Variants in COMMD1 observed in about 807,000 individuals in gnomAD.
COMMD1 encodes copper metabolism domain containing 1, also known as COMM domain-containing protein 1.
Under a neutral mutation model 17.2 loss-of-function variants are expected in COMMD1, and 10 were observed. The observed-to-expected ratio is 0.58, with a 90% CI of 0.36 to 0.99. The LOEUF (loss-of-function observed/expected upper bound fraction) is 0.99. Among genes scored for constraint, COMMD1 ranks in the 50% least tolerant of loss-of-function variants. The pLI is 0.01. For missense variants in COMMD1, 270 were observed against 231.8 expected (o/e 1.17, Z -1.07); for synonymous variants, 97 against 91.6 (o/e 1.06, Z -0.34).
intron 1 of COMMD1, among the ~76,000 whole-genome samples, chr2:61,970,441 A>C (rs1671618553): frequency 6.6e-6 from 1 of 152,200 alleles, no homozygotes; most frequent in Non-Finnish European, 1.5e-5. Flanking sequence ...TGGTATTTGC[A>C]TATAACCAAA....
chr2:62,084,236 T>C (rs187422237), intron 2 of COMMD1, among the ~76,000 whole-genome samples: 332 of 152,258 alleles, frequency 2.2e-3, no homozygotes, highest in African/African-American at 7.8e-3. Context: ...TAGTCAAAAA[T>C]CTACATATAA....
At chr2:62,133,336 G>T (rs1344668523) in intron 2 of COMMD1, among the ~76,000 whole-genome samples, 1 of 152,190 alleles carries the variant, frequency 6.6e-6, no homozygotes, top group Admixed American at 6.5e-5. Flanking sequence ...CCCTCCTTCT[G>T]AAGAAGCTTG....
At chr2:61,966,222 A>C (rs762865678) in intron 1 of COMMD1, among the ~76,000 whole-genome samples, 9 of 152,192 alleles carry the variant, frequency 5.9e-5, no homozygotes, top group Non-Finnish European at 1.3e-4. Context: ...GTTTACTGTT[A>C]AACTGCCTGC....
At chr2:62,015,838 GT>G (rs1222587728) in intron 2 of COMMD1, among the ~76,000 whole-genome samples, 1 of 150,886 alleles carries the variant, frequency 6.6e-6, no homozygotes, top group Non-Finnish European at 1.5e-5. Context: ...TGCCCTTTTT[GT>G]TTGTTTTTTT....
At chr2:61,888,710 C>A, upstream of COMMD1, 1 of 579,216 alleles carries the variant, frequency 1.7e-6, no homozygotes, top group Non-Finnish European at 2.9e-6. Context: ...GTCCGCTGCG[C>A]GCCGGGCGAG....
intron 1 of COMMD1, among the ~76,000 whole-genome samples, chr2:61,957,087 CGTGTGTGTGTGTGTGTGTGT>C (rs10679710): frequency 1.4e-5 from 2 of 146,792 alleles, no homozygotes; most frequent in Admixed American, 6.8e-5. Context: ...AAGATGGATG[CGTGTGTGTGTGTGTGTGTGT>C]GTGTGTGTGT....
intron 2 of COMMD1, among the ~76,000 whole-genome samples, chr2:62,041,957 G>T (rs1053274054): frequency 2.6e-5 from 4 of 152,232 alleles, no homozygotes; most frequent in Non-Finnish European, 4.4e-5. Context: ...CACTGTGGAA[G>T]AGGACCTCAG....
intron 1 of COMMD1, among the ~76,000 whole-genome samples, chr2:61,921,619 A>AT (rs1456331796): frequency 9.2e-5 from 14 of 151,872 alleles, no homozygotes; most frequent in Non-Finnish European, 2.1e-4. Flanking sequence ...AATTTTTTGT[A>AT]TTTTTAGTAG....
intron 1 of COMMD1, among the ~76,000 whole-genome samples, chr2:61,967,857 T>C (rs1283728324): frequency 1.3e-5 from 2 of 152,176 alleles, no homozygotes; most frequent in African/African-American, 2.4e-5. Context: ...TGTTAAACAT[T>C]TTGCTCTATT....
chr2:62,061,554 C>CTTTTTTTTTTTTTTTTT (rs57638195), intron 2 of COMMD1, among the ~76,000 whole-genome samples: 2 of 131,542 alleles, frequency 1.5e-5, no homozygotes, highest in African/African-American at 2.7e-5. Flanking sequence ...TCTTTCTTTT[C>CTTTTTTTTTTTTTTTTT]TTTTTTTTTT....
intron 1 of COMMD1, among the ~76,000 whole-genome samples, chr2:61,949,555 A>G (rs1251034318): frequency 2.0e-5 from 3 of 152,214 alleles, no homozygotes; most frequent in Admixed American, 1.3e-4. Context: ...CTCTGTTCCA[A>G]AGTCACTCCC....
chr2:61,984,762 C>T (rs1007460318), intron 1 of COMMD1, among the ~76,000 whole-genome samples: 4 of 152,182 alleles, frequency 2.6e-5, no homozygotes, highest in African/African-American at 7.2e-5. Flanking sequence ...ATGTTGAAGT[C>T]TCCAGCTATT....
intron 1 of COMMD1, among the ~76,000 whole-genome samples, chr2:61,935,302 C>T (rs1285782391): frequency 1.1e-4 from 17 of 152,118 alleles, no homozygotes; most frequent in African/African-American, 4.1e-4. Flanking sequence ...GTCTGATAAC[C>T]CAGGAAGGGT....
chr2:61,898,331 C>G lies in COMMD1; in HGVS notation n.119+9489C>G, dbSNP rs371612165. ...TCTCTAAAACAAGTTTAAAAATCAG[C>G]TAGACGGGCTGGCACACATCTGTAG... On this transcript the variant is annotated intron_variant and non_coding_transcript_variant, in intron 1 of 2. Coordinates refer to the COMMD1 transcript ENST00000472729. Among the ~76,000 whole-genome samples, 9 of 152,262 alleles carry G rather than the reference C, an allele frequency of 5.9e-5. No homozygotes were observed. The East Asian group carries it at 1.7e-3, about 29-fold the overall frequency.
intron 1 of COMMD1, among the ~76,000 whole-genome samples, chr2:61,977,007 A>G (rs559405672): frequency 6.6e-6 from 1 of 151,066 alleles, no homozygotes; most frequent in African/African-American, 2.4e-5. Context: ...TTGTATTTGT[A>G]GAGATGGGGT....
intron 2 of COMMD1, among the ~76,000 whole-genome samples, chr2:62,064,887 C>T (rs1009249813): frequency 1.3e-5 from 2 of 152,164 alleles, no homozygotes; most frequent in African/African-American, 4.8e-5. Context: ...CTATGCTGTG[C>T]CAGGTGCAGT....
intron 1 of COMMD1, among the ~76,000 whole-genome samples, chr2:61,974,032 C>T (rs767248548): frequency 3.9e-5 from 6 of 152,232 alleles, no homozygotes; most frequent in Non-Finnish European, 5.9e-5. Flanking sequence ...CGATGGCTCA[C>T]GCCAGTAATC....
chr2:62,086,388 G>A (rs530947212), intron 2 of COMMD1, among the ~76,000 whole-genome samples: 4 of 151,468 alleles, frequency 2.6e-5, no homozygotes, highest in Non-Finnish European at 5.9e-5. Context: ...GCGTGCGCCT[G>A]TAGTCCCAGC....
At chr2:62,033,222 T>C (rs1296908137) in intron 2 of COMMD1, among the ~76,000 whole-genome samples, 1 of 152,246 alleles carries the variant, frequency 6.6e-6, no homozygotes, top group East Asian at 1.9e-4. Context: ...CTGATTTACT[T>C]CTTTTTTCTT....
Sources: allele counts gnomAD v4.1 joint callset (sites outside exome capture counted in the v4.1 genomes callset), GRCh38; gene constraint gnomAD v4.1.1; transcripts MANE v1.5; gene names NCBI Gene and HGNC (gene_info 2026-07-23, HGNC 2026-07-21).